Variants in ULK4 observed in about 807,000 individuals in gnomAD.
The protein encoded by ULK4 is unc-51 like kinase 4.
Under a neutral mutation model 160.6 loss-of-function variants are expected in ULK4, and 133 were observed. That is an observed-to-expected ratio of 0.83 (90% CI 0.72 to 0.96). The LOEUF (loss-of-function observed/expected upper bound fraction) is 0.96. Ranked by LOEUF, ULK4 falls within the 40% of genes least tolerant of loss-of-function variation. The pLI, the probability that ULK4 is intolerant of heterozygous loss-of-function variation, is 0.00. For synonymous variants in ULK4, 534 were observed against 539.8 expected, an observed-to-expected ratio of 0.99 and a Z score of 0.15; for missense variants, 1,580 against 1,499.5, an observed-to-expected ratio of 1.05 and a Z score of -0.89.
At chr3:41,687,486 T>C (rs116083484) in intron 27 of ULK4, among the ~76,000 whole-genome samples, 3,477 of 152,234 alleles carry the variant, frequency 0.023, 117 homozygotes, top group African/African-American at 0.073. Context: ...GATACAAAGA[T>C]CTTTAAGGCA....
At chr3:41,841,849 T>C (rs928696859) in intron 17 of ULK4, among the ~76,000 whole-genome samples, 1 of 152,182 alleles carries the variant, frequency 6.6e-6, no homozygotes, top group Non-Finnish European at 1.5e-5. Context: ...CCCAACCCCG[T>C]GCTCTCTGAA....
intron 32 of ULK4, among the ~76,000 whole-genome samples, chr3:41,478,873 T>C (rs2084223444): frequency 6.6e-6 from 1 of 152,256 alleles, no homozygotes; most frequent in African/African-American, 2.4e-5. Flanking sequence ...ATTCAAAAAC[T>C]AAATTCTATT....
At chr3:41,959,120 T>C (rs925755109) in intron 1 of ULK4, among the ~76,000 whole-genome samples, 3 of 152,212 alleles carry the variant, frequency 2.0e-5, no homozygotes, top group Middle Eastern at 3.4e-3. Context: ...TCCCAGCACT[T>C]TGGGGGGCCG....
chr3:41,725,353 G>A (rs568811052), intron 22 of ULK4, among the ~76,000 whole-genome samples: 26 of 151,822 alleles, frequency 1.7e-4, no homozygotes, highest in South Asian at 8.3e-4. Context: ...ATCTATTATC[G>A]TTTATTATAA....
intron 32 of ULK4, among the ~76,000 whole-genome samples, chr3:41,512,561 T>C (rs2085614557): frequency 6.6e-6 from 1 of 152,066 alleles, no homozygotes; most frequent in Non-Finnish European, 1.5e-5. Context: ...AGAATATACC[T>C]AACCAAGGAG....
intron 30 of ULK4, among the ~76,000 whole-genome samples, chr3:41,639,200 G>C (rs17059816): frequency 0.061 from 9,323 of 152,184 alleles, 965 homozygotes; most frequent in African/African-American, 0.21. Context: ...TTAGCTGTAT[G>C]ATACACAGAG....
chr3:41,906,406 G>A (rs940324984), intron 12 of ULK4, among the ~76,000 whole-genome samples: 1 of 152,020 alleles, frequency 6.6e-6, no homozygotes, highest in Admixed American at 6.6e-5. Flanking sequence ...GCATATGCCT[G>A]TAGTTCCAGG....
intron 31 of ULK4, among the ~76,000 whole-genome samples, chr3:41,574,652 C>T (rs775428792): frequency 6.7e-6 from 1 of 149,646 alleles, no homozygotes; most frequent in Non-Finnish European, 1.5e-5. Flanking sequence ...TGCCATTCTC[C>T]TGCCTCAGCC....
At chr3:41,810,636 G>C (rs572195187) in intron 19 of ULK4, among the ~76,000 whole-genome samples, 1 of 152,150 alleles carries the variant, frequency 6.6e-6, no homozygotes, top group East Asian at 1.9e-4. Context: ...GCAACTTAAT[G>C]AGACCCTATC....
chr3:41,935,784 A>T lies in ULK4; in HGVS notation c.378+17T>A, dbSNP rs1331812872. 6.3e-7 allele frequency: 1 copy of T among 1,592,554 alleles called. No homozygotes were observed. Among genetic ancestry groups the T allele is most frequent in the Non-Finnish European group, 8.5e-7 (1 of 1,172,374 alleles). On this transcript the variant is annotated intron_variant, in intron 4 of 36. Transcript: ENST00000301831. ...GAGACAGAAGCAGTTAGAAAATCAAAAACTTTCATGAATTACCTTCCTAGG... is the reference window on the plus strand; with the variant it reads ...GAGACAGAAGCAGTTAGAAAATCAATAACTTTCATGAATTACCTTCCTAGG...
At chr3:41,929,925 T>C (rs1023839970) in intron 5 of ULK4, among the ~76,000 whole-genome samples, 3 of 152,176 alleles carry the variant, frequency 2.0e-5, no homozygotes, top group South Asian at 4.1e-4. Flanking sequence ...AAGTAATTTA[T>C]AGATTCAGAG....
intron 21 of ULK4, among the ~76,000 whole-genome samples, chr3:41,772,947 T>A (rs1209571191): frequency 1.3e-5 from 2 of 152,148 alleles, no homozygotes; most frequent in East Asian, 1.9e-4. Flanking sequence ...ATCCAGCATA[T>A]AAACAGAACC....
chr3:41,540,897 A>G (rs1333578428), intron 32 of ULK4, among the ~76,000 whole-genome samples: 1 of 151,896 alleles, frequency 6.6e-6, no homozygotes, highest in African/African-American at 2.4e-5. Context: ...TTTCTTGTAA[A>G]TTTGCTAAGT....
intron 22 of ULK4, among the ~76,000 whole-genome samples, chr3:41,745,976 T>C (rs1227313493): frequency 2.7e-5 from 4 of 148,352 alleles, no homozygotes; most frequent in Non-Finnish European, 6.0e-5. Flanking sequence ...CTAAGAAAAT[T>C]GGAGATAAAG....
chr3:41,407,398 G>C (rs78897123), intron 34 of ULK4, among the ~76,000 whole-genome samples: 2 of 152,006 alleles, frequency 1.3e-5, no homozygotes, highest in South Asian at 4.1e-4. Flanking sequence ...GACAAAGATA[G>C]TACAAAAAAC....
chr3:41,736,664 T>G (rs1182278329), intron 22 of ULK4, among the ~76,000 whole-genome samples: 1 of 151,442 alleles, frequency 6.6e-6, no homozygotes, highest in Non-Finnish European at 1.5e-5. Context: ...CTGATGGTAG[T>G]TTCTTTTGCT....
chr3:41,818,052 C>T (rs2041025898), intron 19 of ULK4, among the ~76,000 whole-genome samples: 1 of 149,622 alleles, frequency 6.7e-6, no homozygotes, highest in Admixed American at 6.7e-5. Flanking sequence ...ACAACTCTTC[C>T]ATACCGTTGG....
chr3:41,551,894 A>G (rs1485781656), intron 32 of ULK4, among the ~76,000 whole-genome samples: 2 of 152,106 alleles, frequency 1.3e-5, no homozygotes, highest in Non-Finnish European at 2.9e-5. Context: ...ATCCAACAGA[A>G]CATCAAAAAG....
intron 22 of ULK4, among the ~76,000 whole-genome samples, chr3:41,736,839 G>C (rs1392205661): frequency 6.6e-6 from 1 of 151,690 alleles, no homozygotes; most frequent in East Asian, 1.9e-4. Flanking sequence ...TAACGTTTAA[G>C]TCTTTAATCC....
Sources: gnomAD v4.1 joint callset for allele counts (sites outside exome capture counted in the v4.1 genomes callset) on GRCh38, gnomAD v4.1.1 for gene constraint, MANE v1.5 for transcripts, NCBI Gene and HGNC (gene_info 2026-07-23, HGNC 2026-07-21) for gene names.